The following GRIK2 variants were observed in gnomAD, a reference collection of about 807,000 sequenced individuals.
GRIK2 encodes the protein glutamate ionotropic receptor kainate type subunit 2, also known as glutamate receptor ionotropic, kainate 2.
A neutral mutation model predicts 100.3 loss-of-function variants in GRIK2; 32 were observed. The observed-to-expected ratio is 0.32, with a 90% CI of 0.24 to 0.43. The LOEUF is 0.43. Ranked by LOEUF, GRIK2 falls within the 20% of genes least tolerant of loss-of-function variation. GRIK2 has a pLI of 1.00. For synonymous variants in GRIK2, 417 were observed against 389.4 expected, an observed-to-expected ratio of 1.07 and a Z score of -0.83; for missense variants, 843 against 1,114.9, an observed-to-expected ratio of 0.76 and a Z score of 3.47.
intron 2 of GRIK2, among the ~76,000 whole-genome samples, chr6:101,536,127 A>G (rs1203610416): frequency 6.6e-6 from 1 of 151,652 alleles, no homozygotes; most frequent in South Asian, 2.1e-4. Context: ...TTGAAAGGAT[A>G]AAAAAGTTTT....
chr6:101,615,139 T>C (rs1779835666), intron 2 of GRIK2, among the ~76,000 whole-genome samples: 1 of 151,678 alleles, frequency 6.6e-6, no homozygotes, highest in Non-Finnish European at 1.5e-5. Context: ...TATTCTCCTC[T>C]CCTTCTTTTT....
intron 2 of GRIK2, among the ~76,000 whole-genome samples, chr6:101,505,728 A>G (rs1047052237): frequency 6.6e-5 from 10 of 151,712 alleles, no homozygotes; most frequent in Admixed American, 2.0e-4. Flanking sequence ...CTTGAAGAAT[A>G]TAAGACTTAG....
intron 14 of GRIK2, among the ~76,000 whole-genome samples, chr6:101,933,950 A>AT (rs1236855647): frequency 1.3e-5 from 2 of 151,478 alleles, no homozygotes; most frequent in African/African-American, 4.8e-5. Context: ...GCAAAAGAGG[A>AT]TTTTTCTTGG....
intron 14 of GRIK2, among the ~76,000 whole-genome samples, chr6:102,014,642 C>G (rs1163811037): frequency 6.6e-6 from 1 of 152,056 alleles, no homozygotes; most frequent in Non-Finnish European, 1.5e-5. Flanking sequence ...TATCTTTGTT[C>G]TCATTCATTT....
chr6:101,795,537 A>G lies in GRIK2; in HGVS notation c.952-4111A>G, dbSNP rs1361304289. 3.3e-5 allele frequency among the ~76,000 whole-genome samples: 5 copies of G among 152,288 alleles called. No individual in the cohort carries two copies. The East Asian group carries it at 7.7e-4, about 24-fold the overall frequency. On this transcript the variant is annotated intron_variant, in intron 7 of 16. Coordinates refer to ENST00000369134, the MANE Select transcript of GRIK2 (RefSeq NM_021956.5). ...TCCAGGAAGCTTGCTTCGGTTCAGT[A>G]GTGGCAGCAGTGGGCATGTGTGTGG...
At chr6:101,633,723 G>A (rs1237478716) in intron 4 of GRIK2, among the ~76,000 whole-genome samples, 2 of 152,060 alleles carry the variant, frequency 1.3e-5, no homozygotes, top group Non-Finnish European at 2.9e-5. Flanking sequence ...TTTCTTTCCA[G>A]TCTGTTTCTC....
At chr6:101,507,835 A>G (rs1774099593) in intron 2 of GRIK2, among the ~76,000 whole-genome samples, 1 of 152,218 alleles carries the variant, frequency 6.6e-6, no homozygotes, top group South Asian at 2.1e-4. Flanking sequence ...GATGTTGGGG[A>G]GAAAGTAGGT....
At chr6:101,967,922 C>T (rs1236968054) in intron 14 of GRIK2, among the ~76,000 whole-genome samples, 1 of 151,744 alleles carries the variant, frequency 6.6e-6, no homozygotes. Context: ...AAACCAACAA[C>T]CCCTCCCACC....
chr6:101,667,040 T>C (rs1187911531), intron 4 of GRIK2, among the ~76,000 whole-genome samples: 1 of 152,164 alleles, frequency 6.6e-6, no homozygotes, highest in Non-Finnish European at 1.5e-5. Flanking sequence ...AATACCTTTG[T>C]CTATATTTGT....
chr6:101,516,739 T>C (rs993910250), intron 2 of GRIK2, among the ~76,000 whole-genome samples: 4 of 152,230 alleles, frequency 2.6e-5, no homozygotes, highest in African/African-American at 9.6e-5. Context: ...AATATAGACT[T>C]TCATAGATTC....
intron 3 of GRIK2, among the ~76,000 whole-genome samples, chr6:101,622,739 C>T (rs183008164): frequency 1.6e-3 from 241 of 151,662 alleles, no homozygotes; most frequent in African/African-American, 5.6e-3. Context: ...CATGTTATAA[C>T]TGTTGTAAAT....
At chr6:101,979,819 A>G (rs567601911) in intron 14 of GRIK2, among the ~76,000 whole-genome samples, 1 of 152,080 alleles carries the variant, frequency 6.6e-6, no homozygotes, top group Admixed American at 6.6e-5. Context: ...TCAAATATTC[A>G]TTGAGTTGCT....
chr6:101,762,075 C>T (rs1449064878), intron 7 of GRIK2, among the ~76,000 whole-genome samples: 10 of 128,454 alleles, frequency 7.8e-5, no homozygotes, highest in African/African-American at 2.9e-4. Flanking sequence ...TTCCTTTCCC[C>T]TCCCTTCCTT....
chr6:101,421,825 C>T (rs2128240461), intron 2 of GRIK2, among the ~76,000 whole-genome samples: 1 of 152,250 alleles, frequency 6.6e-6, no homozygotes, highest in South Asian at 2.1e-4. Flanking sequence ...GATTTTTAAG[C>T]AATCTCAAGT....
At chr6:101,858,313 A>G (rs1464001176) in intron 10 of GRIK2, among the ~76,000 whole-genome samples, 1 of 151,874 alleles carries the variant, frequency 6.6e-6, no homozygotes, top group African/African-American at 2.4e-5. Flanking sequence ...GTGCTCCATA[A>G]AATTATGTTG....
At chr6:101,533,054 TC>T (rs1193810182) in intron 2 of GRIK2, among the ~76,000 whole-genome samples, 1 of 151,944 alleles carries the variant, frequency 6.6e-6, no homozygotes, top group Non-Finnish European at 1.5e-5. Context: ...TCAACTTATC[TC>T]CAACTTTTCC....
At chr6:101,678,634 ATAG>A (rs1771013211) in intron 5 of GRIK2, among the ~76,000 whole-genome samples, 1 of 152,184 alleles carries the variant, frequency 6.6e-6, no homozygotes, top group Admixed American at 6.5e-5. Flanking sequence ...AGTGCATTTA[ATAG>A]GGTCCTATTT....
intron 2 of GRIK2, among the ~76,000 whole-genome samples, chr6:101,522,739 G>A (rs1026476046): frequency 4.0e-5 from 6 of 151,820 alleles, no homozygotes; most frequent in African/African-American, 1.2e-4. Flanking sequence ...ATAACCACGT[G>A]TTCTTTCTTT....
At chr6:101,690,955 A>T (rs1235994301) in intron 7 of GRIK2, among the ~76,000 whole-genome samples, 1 of 152,058 alleles carries the variant, frequency 6.6e-6, no homozygotes, top group African/African-American at 2.4e-5. Context: ...TTGAAAGTTA[A>T]CTCTAGTGCT....
Sources: allele counts gnomAD v4.1 joint callset (sites outside exome capture counted in the v4.1 genomes callset), GRCh38; gene constraint gnomAD v4.1.1; transcripts MANE v1.5; gene names NCBI Gene and HGNC (gene_info 2026-07-23, HGNC 2026-07-21).